CRTC3: variants seen among roughly 807,000 people sequenced by gnomAD.
CRTC3 encodes the protein CREB-regulated transcription coactivator 3.
A neutral mutation model predicts 74.5 loss-of-function variants in CRTC3; 26 were observed. That is an observed-to-expected ratio of 0.35 (90% CI 0.26 to 0.48). CRTC3 has a LOEUF of 0.48. Ranked by LOEUF, CRTC3 falls within the 20% of genes least tolerant of loss-of-function variation. The pLI, the probability that CRTC3 is intolerant of heterozygous loss-of-function variation, is 0.99. For synonymous variants in CRTC3, 377 were observed against 325.8 expected, an observed-to-expected ratio of 1.16 and a Z score of -1.69; for missense variants, 760 against 787.3, an observed-to-expected ratio of 0.97 and a Z score of 0.41.
intron 2 of CRTC3, among the ~76,000 whole-genome samples, chr15:90,548,020 G>A (rs1473160320): frequency 2.0e-5 from 3 of 151,528 alleles, no homozygotes; most frequent in African/African-American, 7.3e-5. Flanking sequence ...CCCCAGGGTA[G>A]CAGGGAGTAC....
chr15:90,564,977 T>C (rs1967091609), intron 2 of CRTC3, among the ~76,000 whole-genome samples: 1 of 151,442 alleles, frequency 6.6e-6, no homozygotes, highest in Admixed American at 6.6e-5. Flanking sequence ...AGTTTCGCTC[T>C]TTTTGCCCAG....
intron 2 of CRTC3, among the ~76,000 whole-genome samples, chr15:90,560,419 G>T (rs1418630560): frequency 6.6e-6 from 1 of 152,216 alleles, no homozygotes; most frequent in African/African-American, 2.4e-5. Flanking sequence ...TCTGGAATTT[G>T]TGGGCTTAGC....
intron 3 of CRTC3, chr15:90,598,116 AAACT>A (rs1205359602): frequency 3.0e-5 from 9 of 297,300 alleles, no homozygotes; most frequent in Non-Finnish European, 5.7e-5. Flanking sequence ...CCTGCCCCAC[AAACT>A]GTGTCCCTGG....
chr15:90,636,588 A>C (rs979300618), intron 11 of CRTC3, among the ~76,000 whole-genome samples: 19 of 152,182 alleles, frequency 1.2e-4, no homozygotes, highest in African/African-American at 4.6e-4. Context: ...GCTTCTGCAC[A>C]GCAAAAGAAA....
intron 3 of CRTC3, among the ~76,000 whole-genome samples, chr15:90,601,158 A>G (rs1567179453): frequency 6.6e-6 from 1 of 152,194 alleles, no homozygotes; most frequent in East Asian, 1.9e-4. Flanking sequence ...TGTGGGAACA[A>G]TTAACTAAAC....
At chr15:90,570,795 T>C (rs1967245317) in intron 2 of CRTC3, among the ~76,000 whole-genome samples, 1 of 152,110 alleles carries the variant, frequency 6.6e-6, no homozygotes, top group South Asian at 2.1e-4. Flanking sequence ...GGATCTGGGG[T>C]GTCTGTGGTC....
chr15:90,629,142 C>G lies in CRTC3; in HGVS notation c.968-92C>G, dbSNP rs867235425. 4 of 1,208,608 alleles carry G rather than the reference C, an allele frequency of 3.3e-6. 1 individual carries two copies. Among genetic ancestry groups the G allele is most frequent in the Middle Eastern group, 2.0e-4 (1 of 5,122 alleles). The allele number at this position is 1,208,608 out of a possible 1,614,324, so 74.9% of individuals were successfully genotyped here. A position where few individuals can be genotyped will look rare whatever the true frequency, so the allele number is the denominator to read the frequency against. On this transcript the variant is annotated intron_variant, in intron 10 of 14. Transcript: ENST00000268184. ...GCTCCTTTACCTACAGAATCATCAT[C>G]GCATGTGACAGTAGACAGTTTTCTT...
At chr15:90,551,930 GCACACA>G (rs1274060327) in intron 2 of CRTC3, among the ~76,000 whole-genome samples, 1 of 93,794 alleles carries the variant, frequency 1.1e-5, no homozygotes, top group African/African-American at 5.0e-5. Context: ...TTACACACAC[GCACACA>G]CACACACGCA....
chr15:90,619,195 G>A (rs555579197), intron 8 of CRTC3, among the ~76,000 whole-genome samples: 1 of 152,328 alleles, frequency 6.6e-6, no homozygotes, highest in South Asian at 2.1e-4. Flanking sequence ...AGTGGCTCAT[G>A]CCTGTAATCC....
At chr15:90,623,827 A>G (rs1195583401) in intron 9 of CRTC3, among the ~76,000 whole-genome samples, 4 of 152,058 alleles carry the variant, frequency 2.6e-5, no homozygotes, top group Admixed American at 6.6e-5. Flanking sequence ...CAGCCCTCCT[A>G]AACTCAACCT....
At chr15:90,531,431 G>A (rs1182632872) in intron 1 of CRTC3, among the ~76,000 whole-genome samples, 1 of 152,114 alleles carries the variant, frequency 6.6e-6, no homozygotes, top group Non-Finnish European at 1.5e-5. Flanking sequence ...AGTCCCCCAA[G>A]GGGAGATTAG....
At chr15:90,629,818 G>C (rs920743261) in intron 11 of CRTC3, among the ~76,000 whole-genome samples, 4 of 152,124 alleles carry the variant, frequency 2.6e-5, no homozygotes, top group Non-Finnish European at 5.9e-5. Flanking sequence ...CACCTCCCGG[G>C]CTCAAGCGAT....
rs751539926 is a variant in CRTC3, at chr15:90,625,828, T to G, written c.802T>G (p.Leu268Val). Residue 268 changes from leucine to valine, a missense_variant, in exon 10 of 15, where the codon TTG becomes GTG. Around this residue, in one of 2 missense-constraint regions of CRTC3, gnomAD observed 652 missense variants for 635.2 expected, o/e 1.03. Transcript: ENST00000268184. Reference protein sequence around the residue: ...NLGLSPFLGTLNTGGSLPDLT... With the variant: ...NLGLSPFLGTVNTGGSLPDLT... ...AGGCCTCTCACCCTTCTTGGGGACC[T>G]TGAACACTGGAGGGTCATTGCCAGA... 1.7e-5 allele frequency: 28 copies of G among 1,614,112 alleles called. No individual in the cohort carries two copies. The highest frequency in any genetic ancestry group is 2.2e-5 in the Non-Finnish European group (26 of 1,180,042).
chr15:90,537,964 G>T (rs150680240), intron 1 of CRTC3, among the ~76,000 whole-genome samples: 1 of 152,148 alleles, frequency 6.6e-6, no homozygotes, highest in East Asian at 1.9e-4. Context: ...ATTGTGAGAC[G>T]GCCTTCAGCT....
chr15:90,590,412 T>C (rs1170690904), intron 2 of CRTC3, among the ~76,000 whole-genome samples: 2 of 152,152 alleles, frequency 1.3e-5, no homozygotes, highest in Admixed American at 1.3e-4. Flanking sequence ...TGCTTGGCCT[T>C]TTGAGTGGCA....
At chr15:90,623,672 G>A (rs542348382) in intron 9 of CRTC3, among the ~76,000 whole-genome samples, 3 of 152,152 alleles carry the variant, frequency 2.0e-5, no homozygotes, top group African/African-American at 7.2e-5. Flanking sequence ...TGTTAGCCAC[G>A]CTGTCCTAAG....
chr15:90,567,341 A>G (rs968716221), intron 2 of CRTC3, among the ~76,000 whole-genome samples: 5 of 152,130 alleles, frequency 3.3e-5, no homozygotes, highest in Non-Finnish European at 5.9e-5. Context: ...CTTTCAAAAT[A>G]TTGCTGCTCA....
chr15:90,562,093 G>A (rs1223438827), intron 2 of CRTC3, among the ~76,000 whole-genome samples: 1 of 152,212 alleles, frequency 6.6e-6, no homozygotes, highest in African/African-American at 2.4e-5. Flanking sequence ...TCTTGGGGAT[G>A]TGACTTGAGA....
intron 6 of CRTC3, chr15:90,614,244 G>A: frequency 2.0e-6 from 1 of 496,076 alleles, no homozygotes. Flanking sequence ...TAAAGGAAAA[G>A]AAAAAGGAAC....
Sources: gnomAD v4.1 joint callset for allele counts (sites outside exome capture counted in the v4.1 genomes callset) on GRCh38, gnomAD v4.1.1 for gene constraint, gnomAD v4.1.1 regional missense constraint, MANE v1.5 for transcripts, NCBI Gene and HGNC (gene_info 2026-07-23, HGNC 2026-07-21) for gene names.